The following FOXRED1 variants were observed in gnomAD, a reference collection of about 807,000 sequenced individuals.
FOXRED1 encodes the protein FAD-dependent oxidoreductase domain-containing protein 1.
FOXRED1 carries 52 observed loss-of-function variants against 57.8 expected under a neutral mutation model. That is an observed-to-expected ratio of 0.90 (90% CI 0.72 to 1.13). The LOEUF is 1.13. Among genes scored for constraint, FOXRED1 ranks in the 50% most tolerant of loss-of-function variants. FOXRED1 has a pLI of 0.00. For synonymous variants in FOXRED1, 271 were observed against 248.3 expected (o/e 1.09, Z -0.86); for missense variants, 589 against 625.2 (o/e 0.94, Z 0.62).
At position 126,274,310 on chromosome 11, in the gene FOXRED1, T is replaced by G; in HGVS notation, c.537-617T>G. The G allele has an allele frequency of 5.9e-6, 1 of 168,634 alleles. No individual in the cohort carries two copies. The highest frequency in any genetic ancestry group is 1.4e-4 in the South Asian group (1 of 7,070). The allele number at this position is 168,634 out of a possible 1,614,324, so 10.4% of individuals were successfully genotyped here. On this transcript the variant is annotated intron_variant, in intron 4 of 10. Coordinates refer to ENST00000263578, the MANE Select transcript of FOXRED1 (RefSeq NM_017547.4). The surrounding 1 kb of genome is among the most constrained non-coding windows in gnomAD (Gnocchi z 4.8). ...GTACAAGGAGTGGAGAGGAGGTGGA[T>G]CCAGGCAGGAGTGGAGGGAACAAGG...
intron 8 of FOXRED1, 79 bp from the exon 9 acceptor site, chr11:126,276,315 G>GCGTGTGT: frequency 8.7e-7 from 1 of 1,153,378 alleles, no homozygotes; most frequent in Non-Finnish European, 1.2e-6. Flanking sequence ...GTGTGTGTGT[G>GCGTGTGT]GGGTGTGGGG....
In FOXRED1 at chr11:126,274,588, C is replaced by T; in HGVS notation, c.537-339C>T. On this transcript the variant is annotated intron_variant, in intron 4 of 10. Transcript: ENST00000263578. The surrounding 1 kb of genome is among the most constrained non-coding windows in gnomAD (Gnocchi z 4.8). ...GCTTGAACCCGGGAGGAGGAGGTTG[C>T]AGTGAGCCAAGATCGCGCCACTGCA... is the stretch of plus-strand genomic sequence containing the variant. 1 of 329,572 alleles carries T rather than the reference C, an allele frequency of 3.0e-6. No homozygotes were observed. Among genetic ancestry groups the T allele is most frequent in the Admixed American group, 3.9e-5 (1 of 25,422 alleles). The allele number at this position is 329,572 out of a possible 1,614,324, so 20.4% of individuals were successfully genotyped here.
chr11:126,269,312 G>A, intron 1 of FOXRED1, 21 bp downstream of exon 1: 1 of 1,614,100 alleles, frequency 6.2e-7, no homozygotes, highest in Non-Finnish European at 8.5e-7. Flanking sequence ...GGACGACAGA[G>A]GGTATTGTGG....
Position 126,271,289 on chromosome 11 carries a change from G to A in FOXRED1, c.86-148G>A. 1 of 699,016 alleles carries A rather than the reference G, an allele frequency of 1.4e-6. No homozygotes were observed. Among genetic ancestry groups the A allele is most frequent in the Non-Finnish European group, 2.6e-6 (1 of 383,002 alleles). The allele number at this position is 699,016 out of a possible 1,614,324, so 43.3% of individuals were successfully genotyped here. The stretch of plus-strand genomic sequence containing the variant: ...CAGAAAACTGTGGCAACACTGTTGG[G>A]TGCAAGGTGACCTTATGAGATGGGC... On this transcript the variant is annotated intron_variant, in intron 1 of 10. Coordinates refer to ENST00000263578, the MANE Select transcript of FOXRED1 (RefSeq NM_017547.4). The surrounding 1 kb of genome is among the most constrained non-coding windows in gnomAD (Gnocchi z 5.3).
chr11:126,277,219 G>T lies in FOXRED1; in HGVS notation c.1206+44G>T, dbSNP rs1951179159. The T allele has an allele frequency of 7.5e-7, 1 of 1,335,326 alleles. No homozygotes were observed. Among genetic ancestry groups the T allele is most frequent in the South Asian group, 1.2e-5 (1 of 85,262 alleles). 82.7% of individuals were successfully genotyped at this position (1,335,326 alleles called of 1,614,324 possible). A position where few individuals can be genotyped will look rare whatever the true frequency, so the allele number is the denominator to read the frequency against. Reference sequence around the variant, plus strand: ...TTTTCCTTTTTATTTTTGGACATTGGATGGGACAGATGACAGTGGAGCACA... The same window carrying T: ...TTTTCCTTTTTATTTTTGGACATTGTATGGGACAGATGACAGTGGAGCACA... On this transcript the variant is annotated intron_variant, in intron 10 of 10. Coordinates refer to ENST00000263578, the MANE Select transcript of FOXRED1 (RefSeq NM_017547.4). This position sits in a 1 kb window ranked among gnomAD's most constrained non-coding sequence, Gnocchi z 6.8.
At chr11:126,276,306 T>TATGGGTTGGGGAGA in intron 8 of FOXRED1, 87 bp downstream of exon 8, 1 of 1,522 alleles carries the variant, frequency 6.6e-4, no homozygotes, top group Non-Finnish European at 1.1e-3. Flanking sequence ...TGTGTGTGTG[T>TATGGGTTGGGGAGA]GTGTGTGTGG....
chr11:126,275,867 C>A lies in FOXRED1; in HGVS notation c.807C>A (p.Val269=). ...TGGTCTTGAAAAGGATCCATGAAGT[C>A]CATGTAAGTTTCTAGTCTGTGATGT... ...KAVVLKRIHE[V]HVKMDRSLEY... is the part of the protein sequence containing the mutation. Residue 269 remains valine, a synonymous_variant, in exon 7 of 11, where the codon GTC becomes GTA. Transcript: ENST00000263578. The surrounding 1 kb of genome is among the most constrained non-coding windows in gnomAD (Gnocchi z 5.9). The A allele has an allele frequency of 6.2e-7, 1 of 1,607,478 alleles. No individual in the cohort carries two copies. The highest frequency in any genetic ancestry group is 1.7e-5 in the Admixed American group (1 of 60,008).
Position 126,275,964 on chromosome 11 carries a change from G to C in FOXRED1, c.810+94G>C. 6.3e-7 allele frequency: 1 copy of C among 1,576,312 alleles called. No homozygotes were observed. The highest frequency in any genetic ancestry group is 8.7e-7 in the Non-Finnish European group (1 of 1,146,236). On this transcript the variant is annotated intron_variant, in intron 7 of 10. Coordinates refer to ENST00000263578, the MANE Select transcript of FOXRED1 (RefSeq NM_017547.4). This position sits in a 1 kb window ranked among gnomAD's most constrained non-coding sequence, Gnocchi z 5.9. ...TTGGTTTTCTTTGACCCACTTTCCA[G>C]TATGGGTAAACTAAGGCTCAGGAAG...
intron 9 of FOXRED1, 71 bp downstream of exon 9, chr11:126,276,594 G>C: frequency 6.5e-7 from 1 of 1,546,970 alleles, no homozygotes; most frequent in Non-Finnish European, 8.9e-7. Flanking sequence ...TCAGGCTTTT[G>C]GCCAGGCACA....
chr11:126,273,325 T>C lies in FOXRED1; in HGVS notation c.418-11T>C. ...AGTCAGTTTCTTTCAGGAGCTTCTG[T>C]CTGCACACAGGAGTACCTGGCCGTA... On this transcript the variant is annotated splice_polypyrimidine_tract_variant and intron_variant, in intron 3 of 10. Coordinates refer to ENST00000263578, the MANE Select transcript of FOXRED1 (RefSeq NM_017547.4). This position sits in a 1 kb window ranked among gnomAD's most constrained non-coding sequence, Gnocchi z 5.9. 6.3e-7 allele frequency: 1 copy of C among 1,589,872 alleles called. No individual in the cohort carries two copies. Among genetic ancestry groups the C allele is most frequent in the Non-Finnish European group, 8.6e-7 (1 of 1,157,970 alleles).
At chr11:126,276,749 G>A (rs1218076793) in intron 9 of FOXRED1, among the ~76,000 whole-genome samples, 3 of 151,798 alleles carry the variant, frequency 2.0e-5, no homozygotes, top group Admixed American at 1.3e-4. Context: ...GGTGCTGGGC[G>A]CCTGTAATCC....
At chr11:126,269,901 C>A (rs895294170) in intron 1 of FOXRED1, among the ~76,000 whole-genome samples, 2 of 149,386 alleles carry the variant, frequency 1.3e-5, no homozygotes, top group African/African-American at 5.0e-5. Flanking sequence ...GCAGGAGAAT[C>A]GCTTGAACCC....
chr11:126,270,485 T>G (rs1165724716), intron 1 of FOXRED1, among the ~76,000 whole-genome samples: 1 of 152,218 alleles, frequency 6.6e-6, no homozygotes, highest in Non-Finnish European at 1.5e-5. Flanking sequence ...CATGTAGAGT[T>G]TGACCTGGTC....
Position 126,273,205 on chromosome 11 carries a change from T to C in FOXRED1, c.417+126T>C. 1.1e-6 allele frequency: 1 copy of C among 950,772 alleles called. No homozygotes were observed. Among genetic ancestry groups the C allele is most frequent in the Non-Finnish European group, 1.7e-6 (1 of 575,538 alleles). The allele number at this position is 950,772 out of a possible 1,614,324, so 58.9% of individuals were successfully genotyped here. A position where few individuals can be genotyped will look rare whatever the true frequency, so the allele number is the denominator to read the frequency against. ...TCAGCCAACTAGGAGAGGGGGGCCC[T>C]GGCCTTCTTCCTAGTGGTGGTGCCG... On this transcript the variant is annotated intron_variant, in intron 3 of 10. Transcript: ENST00000263578. The surrounding 1 kb of genome is among the most constrained non-coding windows in gnomAD (Gnocchi z 5.9).
Position 126,275,042 on chromosome 11 carries a change from G to A in FOXRED1, c.631+21G>A. The stretch of plus-strand genomic sequence containing the variant: ...TTATGGTGAGGCTTGCTTGCAGAGG[G>A]GACAGCTTTTTTCCTGAAGATGGAG... On this transcript the variant is annotated intron_variant, in intron 5 of 10. Coordinates refer to ENST00000263578, the MANE Select transcript of FOXRED1 (RefSeq NM_017547.4). This position sits in a 1 kb window ranked among gnomAD's most constrained non-coding sequence, Gnocchi z 5.9. 6.5e-7 allele frequency: 1 copy of A among 1,532,270 alleles called. No homozygotes were observed. 94.9% of individuals were successfully genotyped at this position (1,532,270 alleles called of 1,614,324 possible).
chr11:126,277,385 G>T lies in FOXRED1; in HGVS notation c.1207-50G>T, dbSNP rs1056920641. On this transcript the variant is annotated intron_variant, in intron 10 of 10. Transcript: ENST00000263578. This position sits in a 1 kb window ranked among gnomAD's most constrained non-coding sequence, Gnocchi z 6.8. ...CTGAGCCCTGAGGGGAGTGAGGATGGAGTGTGGCTACAGCCTTCCCGAGAA... is the reference window on the plus strand; with the variant it reads ...CTGAGCCCTGAGGGGAGTGAGGATGTAGTGTGGCTACAGCCTTCCCGAGAA... 16 of 1,608,332 alleles carry T rather than the reference G, an allele frequency of 9.9e-6. No homozygotes were observed. Among genetic ancestry groups the T allele is most frequent in the Non-Finnish European group, 1.4e-5 (16 of 1,176,240 alleles).
rs761399539 is a variant in FOXRED1, at chr11:126,276,374, A to G, written c.972-20A>G. On this transcript the variant is annotated intron_variant, in intron 8 of 10. Transcript: ENST00000263578. ...CGGCCATGCTGTTTCTGCAGTTCGT[A>G]ACCGCACTGGTTGTGGCAGGTATGT... 3.8e-6 allele frequency: 4 copies of G among 1,055,790 alleles called. No individual in the cohort carries two copies. The highest frequency in any genetic ancestry group is 6.7e-5 in the African/African-American group (2 of 29,772). 65.4% of individuals were successfully genotyped at this position (1,055,790 alleles called of 1,614,324 possible). A position where few individuals can be genotyped will look rare whatever the true frequency, so the allele number is the denominator to read the frequency against.
chr11:126,273,329 C>G lies in FOXRED1; in HGVS notation c.418-7C>G. On this transcript the variant is annotated splice_region_variant and splice_polypyrimidine_tract_variant and intron_variant, in intron 3 of 10. Coordinates refer to ENST00000263578, the MANE Select transcript of FOXRED1 (RefSeq NM_017547.4). The surrounding 1 kb of genome is among the most constrained non-coding windows in gnomAD (Gnocchi z 5.9). ...AGTTTCTTTCAGGAGCTTCTGTCTG[C>G]ACACAGGAGTACCTGGCCGTAGTCG... 6.3e-7 allele frequency: 1 copy of G among 1,595,636 alleles called. No individual in the cohort carries two copies. Among genetic ancestry groups the G allele is most frequent in the Non-Finnish European group, 8.6e-7 (1 of 1,163,250 alleles).
At position 126,274,673 on chromosome 11, in the gene FOXRED1, G is replaced by A. The variant is rs1951081938; in HGVS notation, c.537-254G>A. The A allele has an allele frequency of 4.0e-6, 2 of 501,710 alleles. No individual in the cohort carries two copies. Among genetic ancestry groups the A allele is most frequent in the African/African-American group, 2.0e-5 (1 of 51,066 alleles). The allele number at this position is 501,710 out of a possible 1,614,324, so 31.1% of individuals were successfully genotyped here. ...AAAAAAAAAAAGAAGTCATGGAATA[G>A]ACTGGGATAGCAGGGAGCTCTGTGT... On this transcript the variant is annotated intron_variant, in intron 4 of 10. Transcript: ENST00000263578. The surrounding 1 kb of genome is among the most constrained non-coding windows in gnomAD (Gnocchi z 4.8).
Sources: allele counts gnomAD v4.1 joint callset (sites outside exome capture counted in the v4.1 genomes callset), GRCh38; gene constraint gnomAD v4.1.1; non-coding constraint Gnocchi (gnomAD v3.1); transcripts MANE v1.5; gene names NCBI Gene and HGNC (gene_info 2026-07-23, HGNC 2026-07-21).